Variants in ADAMTSL1 observed in about 807,000 individuals in gnomAD.
ADAMTSL1 encodes the protein ADAMTS-like protein 1.
In ADAMTSL1, 126 loss-of-function variants were observed where a neutral mutation model predicts 201.8. That is an observed-to-expected ratio of 0.62 (90% CI 0.54 to 0.72). The LOEUF (loss-of-function observed/expected upper bound fraction) is 0.72, where lower values mean the gene tolerates loss of function less well. Ranked by LOEUF, ADAMTSL1 falls within the 30% of genes least tolerant of loss-of-function variation. The pLI is 0.00. For missense variants in ADAMTSL1, 2,679 were observed against 2,277.8 expected (o/e 1.18, Z -3.59); for synonymous variants, 1,121 against 903.4 (o/e 1.24, Z -4.32).
chr9:18,314,963 AT>A, intron 2 of ADAMTSL1, among the ~76,000 whole-genome samples: 1 of 150,306 alleles, frequency 6.7e-6, no homozygotes, highest in South Asian at 2.2e-4. Flanking sequence ...CGCCCGGCTA[AT>A]TTTTTGTATT....
chr9:18,439,456 T>A (rs113668040), intron 2 of ADAMTSL1, among the ~76,000 whole-genome samples: 128 of 152,274 alleles, frequency 8.4e-4, no homozygotes, highest in African/African-American at 2.9e-3. Flanking sequence ...AATCTCTACC[T>A]CCCTGGTTCA....
At chr9:18,744,234 G>A (rs1047341557) in intron 15 of ADAMTSL1, among the ~76,000 whole-genome samples, 1 of 152,214 alleles carries the variant, frequency 6.6e-6, no homozygotes, top group East Asian at 1.9e-4. Context: ...TTAGCAGTTC[G>A]CTCATAACTG....
intron 2 of ADAMTSL1, among the ~76,000 whole-genome samples, chr9:18,355,499 T>G (rs1381289224): frequency 6.6e-6 from 1 of 152,170 alleles, no homozygotes; most frequent in Non-Finnish European, 1.5e-5. Flanking sequence ...CCTTTTCAAA[T>G]GAGAAGTTTC....
At chr9:18,013,349 T>C (rs2131562015) in intron 1 of ADAMTSL1, among the ~76,000 whole-genome samples, 1 of 152,150 alleles carries the variant, frequency 6.6e-6, no homozygotes, top group Admixed American at 6.5e-5. Context: ...GGAGGATATC[T>C]AGATTTCAAA....
At chr9:18,439,134 C>T (rs1819884171) in intron 2 of ADAMTSL1, among the ~76,000 whole-genome samples, 1 of 152,272 alleles carries the variant, frequency 6.6e-6, no homozygotes, top group African/African-American at 2.4e-5. Flanking sequence ...ACGTCATGAC[C>T]GCCCTGCCAG....
At position 18,876,329 on chromosome 9, in the gene ADAMTSL1, T is replaced by TGTGTGTGCGCGTGTGTGTGTGTGC. The variant is rs901063156; in HGVS notation, c.4250-11501_4250-11500insTGTGTGCGCGTGTGTGTGTGTGCG. On this transcript the variant is annotated intron_variant, in intron 23 of 28. Transcript: ENST00000380548. ...GTGTGTGTGTGTGTGTGTGTGTGTG[T>TGTGTGTGCGCGTGTGTGTGTGTGC]GCGTGATTGTTTTATAGGTTCTGTG... is the stretch of plus-strand genomic sequence containing the variant. Among the ~76,000 whole-genome samples the TGTGTGTGCGCGTGTGTGTGTGTGC allele has an allele frequency of 3.3e-5, 5 of 151,246 alleles. 1 individual carries two copies. The highest frequency in any genetic ancestry group is 2.0e-4 in the Admixed American group (3 of 15,192).
chr9:18,635,892 A>G, intron 5 of ADAMTSL1, 51 bp from the exon 6 acceptor site: 2 of 1,507,822 alleles, frequency 1.3e-6, no homozygotes, highest in Non-Finnish European at 1.8e-6. Context: ...GGCAATCAAT[A>G]ATTTTGTGTC....
intron 26 of ADAMTSL1, among the ~76,000 whole-genome samples, chr9:18,895,466 A>C (rs1253446621): frequency 6.9e-6 from 1 of 145,418 alleles, no homozygotes; most frequent in African/African-American, 2.6e-5. Context: ...GATCTTAACA[A>C]CGTGGCAGCC....
chr9:18,707,089 T>C (rs1219070112), intron 14 of ADAMTSL1, 41 bp downstream of exon 14: 1 of 1,584,434 alleles, frequency 6.3e-7, no homozygotes, highest in South Asian at 1.2e-5. Context: ...GCCATCTTCT[T>C]GCTCATTTTC....
chr9:17,976,733 GC>G (rs1312384140), intron 1 of ADAMTSL1, among the ~76,000 whole-genome samples: 1 of 62,580 alleles, frequency 1.6e-5, no homozygotes, highest in Non-Finnish European at 3.1e-5. Flanking sequence ...CTCCCTCCCT[GC>G]CCCCTGCCTC....
chr9:18,671,080 A>T (rs928474204), intron 9 of ADAMTSL1, among the ~76,000 whole-genome samples: 2 of 152,236 alleles, frequency 1.3e-5, no homozygotes, highest in African/African-American at 4.8e-5. Context: ...ACATCTGTAC[A>T]TATTCATTAC....
intron 2 of ADAMTSL1, among the ~76,000 whole-genome samples, chr9:18,354,800 T>A (rs1237172491): frequency 6.6e-6 from 1 of 152,050 alleles, no homozygotes; most frequent in Non-Finnish European, 1.5e-5. Context: ...TGAAACCCCA[T>A]CTCTACTGAA....
At chr9:18,545,794 A>C (rs1820434330) in intron 3 of ADAMTSL1, among the ~76,000 whole-genome samples, 1 of 152,200 alleles carries the variant, frequency 6.6e-6, no homozygotes. Context: ...AGAAATTACT[A>C]CTGCAGTTCA....
chr9:18,415,000 C>T (rs1328858678), intron 2 of ADAMTSL1, among the ~76,000 whole-genome samples: 1 of 152,146 alleles, frequency 6.6e-6, no homozygotes, highest in African/African-American at 2.4e-5. Context: ...TAATTAGCCC[C>T]AATCTAAATA....
chr9:18,541,305 G>A (rs564344562), intron 3 of ADAMTSL1, among the ~76,000 whole-genome samples: 137 of 152,276 alleles, frequency 9.0e-4, no homozygotes, highest in Non-Finnish European at 1.7e-3. Context: ...GAGGTCAGGA[G>A]TTAAGACCAG....
At chr9:18,489,340 G>A (rs1372957799) in intron 1 of ADAMTSL1, among the ~76,000 whole-genome samples, 3 of 152,166 alleles carry the variant, frequency 2.0e-5, no homozygotes, top group East Asian at 1.9e-4. Flanking sequence ...TGTAGTCAAT[G>A]TGAATGCACT....
intron 2 of ADAMTSL1, among the ~76,000 whole-genome samples, chr9:18,184,968 A>G (rs749771102): frequency 6.6e-5 from 10 of 152,204 alleles, no homozygotes; most frequent in Non-Finnish European, 1.2e-4. Flanking sequence ...AGGTTGATTA[A>G]TTGACACAGG....
intron 2 of ADAMTSL1, among the ~76,000 whole-genome samples, chr9:18,267,750 C>G (rs999939062): frequency 7.8e-6 from 1 of 127,490 alleles, no homozygotes; most frequent in Non-Finnish European, 1.6e-5. Flanking sequence ...TCTCAGGTTA[C>G]TCAAAGGCTA....
At chr9:18,157,593 A>C (rs1423285436) in intron 1 of ADAMTSL1, among the ~76,000 whole-genome samples, 1 of 152,028 alleles carries the variant, frequency 6.6e-6, no homozygotes, top group Non-Finnish European at 1.5e-5. Flanking sequence ...CCAGCTGAAC[A>C]TTCTGGACCA....
Sources: allele counts gnomAD v4.1 joint callset (sites outside exome capture counted in the v4.1 genomes callset), GRCh38; gene constraint gnomAD v4.1.1; transcripts MANE v1.5; gene names NCBI Gene and HGNC (gene_info 2026-07-23, HGNC 2026-07-21).